KCNMA1: variants seen among roughly 807,000 people sequenced by gnomAD.
KCNMA1 encodes the protein Calcium-activated potassium channel subunit alpha-1.
In KCNMA1, 29 loss-of-function variants were observed where a neutral mutation model predicts 140.0. The ratio of observed to expected loss-of-function variants is 0.21; its 90% confidence interval spans 0.15 to 0.28. The LOEUF is 0.28. Among genes scored for constraint, KCNMA1 ranks in the 10% least tolerant of loss-of-function variants. The pLI, the probability that KCNMA1 is intolerant of heterozygous loss-of-function variation, is 1.00. For synonymous variants in KCNMA1, 612 were observed against 611.9 expected (o/e 1.00, Z 0.00); for missense variants, 880 against 1,602.2 (o/e 0.55, Z 7.70).
intron 20 of KCNMA1, among the ~76,000 whole-genome samples, chr10:76,966,897 G>A (rs2074158953): frequency 6.6e-6 from 1 of 152,158 alleles, no homozygotes; most frequent in Non-Finnish European, 1.5e-5. Context: ...CTGTTGAGGT[G>A]ACTCAAAAAC....
intron 1 of KCNMA1, among the ~76,000 whole-genome samples, chr10:77,631,839 CAA>C (rs2093251427): frequency 6.6e-6 from 1 of 152,166 alleles, no homozygotes; most frequent in Non-Finnish European, 1.5e-5. Context: ...TATGTTTGGT[CAA>C]GTTTCCTGGG....
chr10:77,609,063 C>T (rs1485537030), intron 1 of KCNMA1, among the ~76,000 whole-genome samples: 1 of 152,198 alleles, frequency 6.6e-6, no homozygotes, highest in Admixed American at 6.5e-5. Flanking sequence ...AAAAATAGAA[C>T]TACCATATGA....
intron 2 of KCNMA1, among the ~76,000 whole-genome samples, chr10:77,333,393 A>G (rs938970317): frequency 2.2e-5 from 1 of 46,032 alleles, no homozygotes; most frequent in Non-Finnish European, 4.5e-5. Context: ...AGAAAGAAAG[A>G]AAGAAAGAAA....
chr10:77,074,450 C>A (rs988838571), intron 13 of KCNMA1, among the ~76,000 whole-genome samples: 8 of 152,142 alleles, frequency 5.3e-5, no homozygotes, highest in Non-Finnish European at 1.2e-4. Context: ...GAGGAGGTAG[C>A]GTCTGGAAAA....
chr10:77,073,461 C>T (rs952450377), intron 13 of KCNMA1, among the ~76,000 whole-genome samples: 6 of 152,172 alleles, frequency 3.9e-5, no homozygotes, highest in African/African-American at 1.4e-4. Flanking sequence ...CTGCACCCAC[C>T]AAGCCCAAGT....
chr10:76,877,824 C>T, exon 30 of KCNMA1: 1 of 1,604,560 alleles, frequency 6.2e-7, no homozygotes, highest in Non-Finnish European at 8.5e-7. Flanking sequence ...CATGTGGGTA[C>T]TCATGGGCTT....
At chr10:77,344,396 T>A (rs2091702807) in intron 2 of KCNMA1, among the ~76,000 whole-genome samples, 1 of 152,148 alleles carries the variant, frequency 6.6e-6, no homozygotes, top group South Asian at 2.1e-4. Context: ...GATTAATCCA[T>A]CCATCAAGGA....
At chr10:77,154,284 A>C (rs2098458051) in intron 5 of KCNMA1, among the ~76,000 whole-genome samples, 1 of 152,028 alleles carries the variant, frequency 6.6e-6, no homozygotes, top group Non-Finnish European at 1.5e-5. Flanking sequence ...TTCCTTTATA[A>C]ATTACCCGGT....
chr10:77,079,276 A>AG (rs200595797), intron 13 of KCNMA1, among the ~76,000 whole-genome samples: 32 of 152,172 alleles, frequency 2.1e-4, no homozygotes, highest in African/African-American at 7.7e-4. Context: ...ATCCCAAAAA[A>AG]AAAGAAAGAA....
chr10:77,406,481 T>G (rs1272974887), intron 1 of KCNMA1, among the ~76,000 whole-genome samples: 3 of 152,188 alleles, frequency 2.0e-5, no homozygotes, highest in Admixed American at 6.5e-5. Context: ...GCGGGCATCA[T>G]AAGCACACCA....
intron 14 of KCNMA1, among the ~76,000 whole-genome samples, chr10:77,043,347 C>T (rs2094845834): frequency 6.6e-6 from 1 of 152,174 alleles, no homozygotes; most frequent in African/African-American, 2.4e-5. Context: ...TCTAAAATTG[C>T]TAATTGAATT....
At chr10:76,953,126 C>T (rs754490256) in intron 21 of KCNMA1, among the ~76,000 whole-genome samples, 1 of 152,160 alleles carries the variant, frequency 6.6e-6, no homozygotes, top group Admixed American at 6.5e-5. Flanking sequence ...CGAAATAGGG[C>T]TCTGAGCCCC....
At chr10:76,925,552 C>T (rs2057419879) in intron 23 of KCNMA1, among the ~76,000 whole-genome samples, 3 of 152,134 alleles carry the variant, frequency 2.0e-5, no homozygotes, top group Admixed American at 1.3e-4. Context: ...TTTTTTCTCC[C>T]CTTTTGCAAG....
At chr10:77,148,625 A>G (rs1233508280) in intron 5 of KCNMA1, among the ~76,000 whole-genome samples, 2 of 152,222 alleles carry the variant, frequency 1.3e-5, no homozygotes, top group Non-Finnish European at 2.9e-5. Flanking sequence ...AATCTAAATC[A>G]GGGGTTGCCA....
chr10:77,299,992 G>A (rs1442389646), intron 2 of KCNMA1, among the ~76,000 whole-genome samples: 1 of 152,182 alleles, frequency 6.6e-6, no homozygotes, highest in Non-Finnish European at 1.5e-5. Context: ...CAGTCAGTGT[G>A]GCTTCTCTCC....
At chr10:76,888,696 T>C (rs2038482536) in intron 27 of KCNMA1, among the ~76,000 whole-genome samples, 1 of 152,320 alleles carries the variant, frequency 6.6e-6, no homozygotes, top group Non-Finnish European at 1.5e-5. Flanking sequence ...AAAATAAATA[T>C]ATAAAAGTTA....
chr10:77,023,959 A>T (rs1295822933), intron 16 of KCNMA1, among the ~76,000 whole-genome samples: 7 of 152,224 alleles, frequency 4.6e-5, no homozygotes, highest in African/African-American at 1.7e-4. Context: ...GGTCCACCAG[A>T]GATACTGGTG....
intron 13 of KCNMA1, among the ~76,000 whole-genome samples, chr10:77,076,255 A>T (rs2096393310): frequency 1.3e-5 from 2 of 152,294 alleles, no homozygotes; most frequent in South Asian, 4.1e-4. Context: ...GGCCTCTTTC[A>T]CTAGAGTCTT....
At chr10:77,139,303 C>T (rs768479820) in intron 5 of KCNMA1, among the ~76,000 whole-genome samples, 9 of 152,216 alleles carry the variant, frequency 5.9e-5, no homozygotes, top group Admixed American at 2.6e-4. Flanking sequence ...CTCTCCAAGG[C>T]CAGATGTTAC....
Sources: allele counts gnomAD v4.1 joint callset (sites outside exome capture counted in the v4.1 genomes callset), GRCh38; gene constraint gnomAD v4.1.1; transcripts MANE v1.5; gene names NCBI Gene and HGNC (gene_info 2026-07-23, HGNC 2026-07-21).